The following TRMT6 variants were observed in gnomAD, a reference collection of about 807,000 sequenced individuals.
TRMT6 encodes tRNA methyltransferase 6 non-catalytic subunit.
A neutral mutation model predicts 59.0 loss-of-function variants in TRMT6; 34 were observed. The ratio of observed to expected loss-of-function variants is 0.58; its 90% confidence interval spans 0.44 to 0.77. The LOEUF (loss-of-function observed/expected upper bound fraction) is 0.77. Among genes scored for constraint, TRMT6 ranks in the 30% least tolerant of loss-of-function variants. TRMT6 has a pLI of 0.00. For missense variants in TRMT6, 575 were observed against 604.5 expected (o/e 0.95, Z 0.51); for synonymous variants, 217 against 210.5 (o/e 1.03, Z -0.27).
Position 5,944,847 on chromosome 20 carries a change from TTGAG to T in TRMT6, c.320_323del (p.Thr107LysfsTer4), listed in dbSNP as rs748245598. ...TGTCCTTCAAAGCTTTTATGTCATC[TTGAG>T]TAAGTTTCTGAGATTTCCCATCATC... On this transcript the variant is annotated frameshift_variant, in exon 3 of 11. Coordinates refer to ENST00000203001, the MANE Select transcript of TRMT6 (RefSeq NM_015939.5). LOFTEE classifies it high-confidence loss of function. The T allele has an allele frequency of 1.2e-6, 2 of 1,614,108 alleles. No individual in the cohort carries two copies. Among genetic ancestry groups the T allele is most frequent in the Non-Finnish European group, 1.7e-6 (2 of 1,179,942 alleles).
rs1424761232 is a variant in TRMT6 at position 5,943,665 on chromosome 20, T to G, written c.561A>C (p.Thr187=). 1.9e-6 allele frequency: 3 copies of G among 1,614,208 alleles called. No homozygotes were observed. The highest frequency in any genetic ancestry group is 2.5e-6 in the Non-Finnish European group (3 of 1,180,032). The stretch of plus-strand genomic sequence containing the variant: ...TTCCCAACGTCAACATCTGGGCTAG[T>G]GTATCGTATCTCATGTGGCTAAAGT... ...PGKINHMRYD[T]LAQMLTLGNI... The change falls in exon 6 of 11, where the codon ACA becomes ACC. Residue 187 remains threonine (T), a synonymous_variant. Transcript: ENST00000203001.
intron 7 of TRMT6, 59 bp downstream of exon 7, chr20:5,942,369 A>G: frequency 6.9e-7 from 1 of 1,455,080 alleles, no homozygotes; most frequent in Non-Finnish European, 9.6e-7. Flanking sequence ...TCATGACTTA[A>G]CTGAAGTTAA....
intron 10 of TRMT6, among the ~76,000 whole-genome samples, 179 bp from the exon 11 acceptor site, chr20:5,938,905 T>C (rs1269508005): frequency 1.4e-5 from 2 of 147,726 alleles, no homozygotes; most frequent in Non-Finnish European, 3.0e-5. Context: ...CTTCCTTCCT[T>C]CCCTTCCTTC....
At chr20:5,940,594 G>A (rs866557343) in intron 10 of TRMT6, among the ~76,000 whole-genome samples, 9 of 152,168 alleles carry the variant, frequency 5.9e-5, no homozygotes, top group Admixed American at 6.5e-5. Flanking sequence ...CATCCCTGTA[G>A]AAAGAAACAG....
At chr20:5,941,445 C>T in intron 8 of TRMT6, 100 bp from the exon 9 acceptor site, 4 of 809,600 alleles carry the variant, frequency 4.9e-6, no homozygotes, top group South Asian at 1.7e-5. Context: ...ATTTGCATGA[C>T]TCACAAAGAG....
At position 5,938,378 on chromosome 20, in the gene TRMT6, A is replaced by T. The variant is rs1442791672; in HGVS notation, c.*157T>A. 3.4e-5 allele frequency: 26 copies of T among 762,246 alleles called. No individual in the cohort carries two copies. The highest frequency in any genetic ancestry group is 4.0e-4 in the Middle Eastern group (1 of 2,516). The allele number at this position is 762,246 out of a possible 1,614,324, so 47.2% of individuals were successfully genotyped here. ...GACAGACCAAATGCATCTGTGTCAGAAATAGACAAAAGGCATATACTCCTC... is the reference window on the plus strand; with the variant it reads ...GACAGACCAAATGCATCTGTGTCAGTAATAGACAAAAGGCATATACTCCTC... On this transcript the variant is annotated 3_prime_UTR_variant, in exon 11 of 11. Coordinates refer to ENST00000203001, the MANE Select transcript of TRMT6 (RefSeq NM_015939.5).
At chr20:5,946,288 T>C (rs1272337272) in intron 2 of TRMT6, 118 bp downstream of exon 2, 13 of 1,276,860 alleles carry the variant, frequency 1.0e-5, no homozygotes, top group Non-Finnish European at 1.2e-5. Context: ...GTTCTTAGAT[T>C]ATGAGTTAAG....
Position 5,942,595 on chromosome 20 carries a change from C to T in TRMT6, c.859G>A (p.Glu287Lys). 6.2e-7 allele frequency: 1 copy of T among 1,614,134 alleles called. No homozygotes were observed. The highest frequency in any genetic ancestry group is 8.5e-7 in the Non-Finnish European group (1 of 1,180,030). Residue 287 changes from glutamate to lysine, a missense_variant, in exon 7 of 11, where the codon GAA becomes AAA. Glu to Lys is a moderately conservative substitution (Grantham distance 56, BLOSUM62 1). Transcript: ENST00000203001. The stretch of plus-strand genomic sequence containing the variant: ...TTTTCCTCCAGTGTGCCATTACTTT[C>T]TTCAACCAAAGCACTGTCTTTTGGC... ...SEPKDSALVE[E>K]SNGTLEEKQA...
chr20:5,941,760 C>A, intron 8 of TRMT6, 191 bp downstream of exon 8: 1 of 614,446 alleles, frequency 1.6e-6, no homozygotes, highest in Non-Finnish European at 2.9e-6. Context: ...CTTCTGAAAC[C>A]CTGAAACCAG....
intron 6 of TRMT6, among the ~76,000 whole-genome samples, chr20:5,943,076 G>T (rs236177): frequency 0.24 from 36,848 of 152,066 alleles, 6,924 homozygotes; most frequent in African/African-American, 0.52. Context: ...GATTGGTGAC[G>T]GACTCTGCTT....
At chr20:5,938,915 C>T (rs191768685) in intron 10 of TRMT6, among the ~76,000 whole-genome samples, 189 bp from the exon 11 acceptor site, 93 of 139,310 alleles carry the variant, frequency 6.7e-4, no homozygotes, top group African/African-American at 2.4e-3. Context: ...TCCCTTCCTT[C>T]CTCCCTCCCT....
In TRMT6 at chr20:5,943,686, A is replaced by G; in HGVS notation, c.543-3T>C. On this transcript the variant is annotated splice_region_variant and splice_polypyrimidine_tract_variant and intron_variant, in intron 5 of 10. Transcript: ENST00000203001. ...CTAGTGTATCGTATCTCATGTGGCT[A>G]AAGTAAAAACAATAATTTGTTCATT... The G allele has an allele frequency of 6.2e-7, 1 of 1,610,586 alleles. No individual in the cohort carries two copies. The highest frequency in any genetic ancestry group is 8.5e-7 in the Non-Finnish European group (1 of 1,178,892).
At chr20:5,940,732 C>T (rs2088648572) in intron 10 of TRMT6, among the ~76,000 whole-genome samples, 1 of 152,220 alleles carries the variant, frequency 6.6e-6, no homozygotes, top group Non-Finnish European at 1.5e-5. Context: ...AATCTTTCCA[C>T]CTCAGCTCCT....
chr20:5,941,938 T>C lies in TRMT6; in HGVS notation c.1112+13A>G. ...TGCACTGAGGAGTCTCCTGCCTTCT[T>C]CCATCAACGCACCCATCTGCGTTTC... On this transcript the variant is annotated intron_variant, in intron 8 of 10. Coordinates refer to ENST00000203001, the MANE Select transcript of TRMT6 (RefSeq NM_015939.5). The C allele has an allele frequency of 6.2e-7, 1 of 1,610,292 alleles. No individual in the cohort carries two copies.
chr20:5,949,929 G>GT (rs1180560400), intron 1 of TRMT6, among the ~76,000 whole-genome samples: 3 of 151,958 alleles, frequency 2.0e-5, no homozygotes, highest in African/African-American at 7.3e-5. Flanking sequence ...AGGTGATTAG[G>GT]GTGTGGAGAG....
At chr20:5,946,206 T>C (rs1165300203) in intron 2 of TRMT6, among the ~76,000 whole-genome samples, 200 bp downstream of exon 2, 1 of 152,234 alleles carries the variant, frequency 6.6e-6, no homozygotes, top group East Asian at 1.9e-4. Flanking sequence ...AACCATTTAA[T>C]GGTGGGCTGG....
At chr20:5,943,521 G>A in intron 6 of TRMT6, 38 bp downstream of exon 6, 1 of 1,612,376 alleles carries the variant, frequency 6.2e-7, no homozygotes, top group South Asian at 1.1e-5. Flanking sequence ...CTCACATCAG[G>A]GTGGGGTTTT....
rs142655443 is a variant in TRMT6 at position 5,943,652 on chromosome 20, A to G, written c.574T>C (p.Leu192=). Residue 192 remains leucine (L), a synonymous_variant, in exon 6 of 11, where the codon TTG becomes CTG. Transcript: ENST00000203001. ...CCAGCACGGATATTTCCCAACGTCA[A>G]CATCTGGGCTAGTGTATCGTATCTC... ...HMRYDTLAQM[L]TLGNIRAGNK... 5 of 1,614,136 alleles carry G rather than the reference A, an allele frequency of 3.1e-6. 1 individual carries two copies. The South Asian group carries it at 4.4e-5, about 14-fold the overall frequency.
intron 2 of TRMT6, 46 bp downstream of exon 2, chr20:5,946,360 A>G: frequency 6.2e-7 from 1 of 1,612,896 alleles, no homozygotes; most frequent in Non-Finnish European, 8.5e-7. Context: ...GATGTTTCTG[A>G]CTAGTCAGTT....
Sources: allele counts gnomAD v4.1 joint callset (sites outside exome capture counted in the v4.1 genomes callset), GRCh38; gene constraint gnomAD v4.1.1; transcripts MANE v1.5; gene names NCBI Gene and HGNC (gene_info 2026-07-23, HGNC 2026-07-21).